Variants in CDH13 observed in about 807,000 individuals in gnomAD.
The protein encoded by CDH13 is cadherin-13.
CDH13 carries 24 observed loss-of-function variants against 63.8 expected under a neutral mutation model. The observed-to-expected ratio is 0.38, with a 90% CI of 0.27 to 0.53. The LOEUF (loss-of-function observed/expected upper bound fraction) is 0.53, where lower values mean the gene tolerates loss of function less well. CDH13 is among the 20% of genes least tolerant of loss of function. CDH13 has a pLI of 0.85. For missense variants in CDH13, 1,049 were observed against 903.1 expected (o/e 1.16, Z -2.07); for synonymous variants, 503 against 355.3 (o/e 1.42, Z -4.67).
intron 10 of CDH13, chr16:83,721,397 A>G (rs1481475688): frequency 6.6e-6 from 1 of 152,254 alleles, no homozygotes; most frequent in Non-Finnish European, 1.5e-5. Flanking sequence ...AATGTCATTT[A>G]GAGAGGAGAG....
Position 82,744,552 on chromosome 16 carries a change from T to C in CDH13, c.46-113810T>C, listed in dbSNP as rs190067555. On this transcript the variant is annotated intron_variant, in intron 1 of 13. Transcript: ENST00000567109. ...TAAATCTCTGGGCTGGCTTCTAGAA[T>C]ACCAGGTCCCTTTCCCCTCAGTTCC... 1.8e-3 allele frequency among the ~76,000 whole-genome samples: 271 copies of C among 152,204 alleles called. 2 individuals carry two copies. The highest frequency in any genetic ancestry group is 6.0e-3 in the South Asian group (29 of 4,808).
intron 1 of CDH13, among the ~76,000 whole-genome samples, chr16:82,776,639 A>G (rs1356855357): frequency 5.9e-5 from 9 of 152,196 alleles, no homozygotes; most frequent in African/African-American, 1.9e-4. Context: ...AGTTAAACGC[A>G]TGTTCTGTTT....
chr16:82,689,873 A>C (rs1834890847), intron 1 of CDH13, among the ~76,000 whole-genome samples: 1 of 150,480 alleles, frequency 6.6e-6, no homozygotes, highest in Admixed American at 6.7e-5. Flanking sequence ...AGCTGGGGGC[A>C]GTGGCTCACG....
At chr16:83,006,167 G>A (rs1430768138) in intron 2 of CDH13, among the ~76,000 whole-genome samples, 2 of 152,034 alleles carry the variant, frequency 1.3e-5, no homozygotes, top group African/African-American at 4.8e-5. Flanking sequence ...AGCTCAGTGG[G>A]GGCATTTTCA....
chr16:83,455,892 C>A (rs1324660619), intron 6 of CDH13, among the ~76,000 whole-genome samples: 3 of 152,350 alleles, frequency 2.0e-5, no homozygotes, highest in Admixed American at 6.5e-5. Flanking sequence ...TCTCGCAGCT[C>A]TGGAAAAACG....
At chr16:83,741,682 C>T (rs1449747285) in intron 10 of CDH13, among the ~76,000 whole-genome samples, 1 of 152,000 alleles carries the variant, frequency 6.6e-6, no homozygotes. Flanking sequence ...CACTAATTGC[C>T]CAATATTACT....
At chr16:83,232,028 G>GGACA (rs71148823) in intron 5 of CDH13, among the ~76,000 whole-genome samples, 6,411 of 151,936 alleles carry the variant, frequency 0.042, 139 homozygotes, top group South Asian at 0.062. Flanking sequence ...GAGAACACAT[G>GGACA]GACACAAGGC....
intron 1 of CDH13, among the ~76,000 whole-genome samples, chr16:82,803,292 T>C (rs539158376): frequency 6.6e-6 from 1 of 152,334 alleles, no homozygotes; most frequent in South Asian, 2.1e-4. Flanking sequence ...ATAATTCTCC[T>C]TGAGGGGCAA....
At chr16:83,118,452 A>G (rs1000810844) in intron 3 of CDH13, among the ~76,000 whole-genome samples, 1 of 152,188 alleles carries the variant, frequency 6.6e-6, no homozygotes, top group African/African-American at 2.4e-5. Context: ...CACAGAGAAC[A>G]TTTGACATCT....
chr16:83,661,424 A>G (rs1913431925), intron 8 of CDH13, among the ~76,000 whole-genome samples: 1 of 151,898 alleles, frequency 6.6e-6, no homozygotes, highest in African/African-American at 2.4e-5. Flanking sequence ...TCAAGGCTGC[A>G]ATGAGACGCA....
In CDH13 at chr16:83,135,522, T is replaced by G. The variant is rs149001766; in HGVS notation, c.483+10021T>G. ...AGTCTATTTGTGGTACAAACTGAGTTGCCTTTCTGTGTCACCTGCAATTGT... is the reference window on the plus strand; with the variant it reads ...AGTCTATTTGTGGTACAAACTGAGTGGCCTTTCTGTGTCACCTGCAATTGT... On this transcript the variant is annotated intron_variant, in intron 4 of 13. Transcript: ENST00000567109. Among the ~76,000 whole-genome samples the G allele has an allele frequency of 1.9e-3, 297 of 152,310 alleles. 1 individual carries two copies. Among genetic ancestry groups the G allele is most frequent in the Non-Finnish European group, 3.0e-3 (203 of 68,026 alleles).
chr16:82,680,108 A>T (rs1276212601), intron 1 of CDH13, among the ~76,000 whole-genome samples: 1 of 152,162 alleles, frequency 6.6e-6, no homozygotes, highest in Non-Finnish European at 1.5e-5. Flanking sequence ...CCAGTCTTCC[A>T]GCGTAGGTCA....
intron 4 of CDH13, among the ~76,000 whole-genome samples, chr16:83,210,549 C>T (rs1044032079): frequency 3.3e-5 from 5 of 151,906 alleles, no homozygotes; most frequent in African/African-American, 1.2e-4. Context: ...AAAAGCCCAC[C>T]ACGTACGGCA....
At chr16:82,647,978 T>A (rs1445132593) in intron 1 of CDH13, among the ~76,000 whole-genome samples, 1 of 152,164 alleles carries the variant, frequency 6.6e-6, no homozygotes, top group Non-Finnish European at 1.5e-5. Flanking sequence ...TGAATAAGTC[T>A]CACGAGATCT....
At chr16:83,304,340 G>C (rs556843687) in intron 5 of CDH13, among the ~76,000 whole-genome samples, 2 of 152,282 alleles carry the variant, frequency 1.3e-5, no homozygotes, top group East Asian at 1.9e-4. Context: ...TGGGAAAAAA[G>C]ACTGTGTTGG....
intron 3 of CDH13, among the ~76,000 whole-genome samples, chr16:83,078,585 G>T (rs748782007): frequency 6.6e-6 from 1 of 152,160 alleles, no homozygotes. Context: ...TTCCTAACAG[G>T]CCACAGACCA....
At chr16:83,121,197 A>G (rs1346190662) in intron 3 of CDH13, among the ~76,000 whole-genome samples, 2 of 151,900 alleles carry the variant, frequency 1.3e-5, no homozygotes, top group Non-Finnish European at 2.9e-5. Flanking sequence ...AGTCCTTTTC[A>G]CTTCCTAGAG....
rs980333303 is a variant in CDH13, at chr16:83,018,493, T to A, written c.158-13517T>A. Among the ~76,000 whole-genome samples, 3 of 152,158 alleles carry A rather than the reference T, an allele frequency of 2.0e-5. No homozygotes were observed. In the East Asian group the frequency reaches 5.8e-4, roughly 29 times the overall value. On this transcript the variant is annotated intron_variant, in intron 2 of 13. Coordinates refer to ENST00000567109, the MANE Select transcript of CDH13 (RefSeq NM_001257.5). The stretch of plus-strand genomic sequence containing the variant: ...AATGCTGGAATTGCTTCCACAATAT[T>A]CCTGATGAAGTCATATAGGTTCCAC...
At chr16:83,190,493 C>G (rs1469339994) in intron 4 of CDH13, among the ~76,000 whole-genome samples, 1 of 152,146 alleles carries the variant, frequency 6.6e-6, no homozygotes, top group Non-Finnish European at 1.5e-5. Flanking sequence ...CAGTTGCCAC[C>G]ATGTCTTGAG....
Sources: gnomAD v4.1 joint callset for allele counts (sites outside exome capture counted in the v4.1 genomes callset) on GRCh38, gnomAD v4.1.1 for gene constraint, MANE v1.5 for transcripts, NCBI Gene and HGNC (gene_info 2026-07-23, HGNC 2026-07-21) for gene names.